The following FAT3 variants were observed in gnomAD, a reference collection of about 807,000 sequenced individuals.
FAT3 encodes the protein FAT atypical cadherin 3.
In FAT3, 95 loss-of-function variants were observed where a neutral mutation model predicts 310.2. That is an observed-to-expected ratio of 0.31 (90% CI 0.26 to 0.36). FAT3 has a LOEUF of 0.36. Ranked by LOEUF, FAT3 falls within the 10% of genes least tolerant of loss-of-function variation. The probability of loss-of-function intolerance (pLI) is 1.00; values close to 1 mark genes in which losing one functional copy is unlikely to be tolerated. For synonymous variants in FAT3, 2,314 were observed against 2,192.9 expected, an observed-to-expected ratio of 1.06 and a Z score of -1.54; for missense variants, 5,408 against 5,715.6, an observed-to-expected ratio of 0.95 and a Z score of 1.74.
intron 1 of FAT3, among the ~76,000 whole-genome samples, chr11:92,263,541 G>C (rs1865643762): frequency 6.6e-6 from 1 of 151,902 alleles, no homozygotes; most frequent in Non-Finnish European, 1.5e-5. Flanking sequence ...GATTACAGGA[G>C]ATGTGAATAT....
intron 2 of FAT3, among the ~76,000 whole-genome samples, chr11:92,507,994 G>GA (rs1334765580): frequency 6.6e-6 from 1 of 152,062 alleles, no homozygotes; most frequent in African/African-American, 2.4e-5. Context: ...AAGGATGAAA[G>GA]AAAATAGACA....
intron 3 of FAT3, among the ~76,000 whole-genome samples, chr11:92,645,742 G>A (rs1238517473): frequency 1.3e-5 from 2 of 152,070 alleles, no homozygotes; most frequent in African/African-American, 4.8e-5. Context: ...GCTGTCCCTG[G>A]CAATTTGGAT....
In FAT3 at chr11:92,352,558, T is replaced by A; in HGVS notation, c.446T>A (p.Leu149Ter). 1 of 1,613,820 alleles carries A rather than the reference T, an allele frequency of 6.2e-7. No individual in the cohort carries two copies. ...TGGACCAAAGTGAATATACAGGTTT[T>A]AGATATGAATGATCTGAGACCTTTG... ...EAWTKVNIQVLDMNDLRPLFS... is the reference protein window; with the variant it reads ...EAWTKVNIQV Residue 149 changes from leucine (L) to a stop codon, truncating the protein, a stop_gained, in exon 2 of 28, where the codon TTA (leucine) becomes TAA (stop). Transcript: ENST00000525166. LOFTEE classifies it high-confidence loss of function.
intron 2 of FAT3, among the ~76,000 whole-genome samples, chr11:92,469,204 A>G (rs1951848231): frequency 6.6e-6 from 1 of 152,132 alleles, no homozygotes; most frequent in East Asian, 1.9e-4. Flanking sequence ...TTGTTCAGGA[A>G]CTCATAAATT....
intron 1 of FAT3, among the ~76,000 whole-genome samples, chr11:92,333,378 C>T (rs1947968653): frequency 6.6e-6 from 1 of 152,162 alleles, no homozygotes; most frequent in Non-Finnish European, 1.5e-5. Flanking sequence ...AATTCTCTGA[C>T]TTACCCTGGA....
At chr11:92,237,788 G>T (rs2134244235) in intron 1 of FAT3, among the ~76,000 whole-genome samples, 1 of 152,214 alleles carries the variant, frequency 6.6e-6, no homozygotes, top group Admixed American at 6.5e-5. Flanking sequence ...GTAGATTTTG[G>T]ATGGTAGAAT....
At chr11:92,345,900 C>T (rs2134602536) in intron 1 of FAT3, among the ~76,000 whole-genome samples, 1 of 152,212 alleles carries the variant, frequency 6.6e-6, no homozygotes, top group Non-Finnish European at 1.5e-5. Flanking sequence ...CTTATGATCC[C>T]TTTGGCTATA....
In FAT3 at chr11:92,852,746, C is replaced by G. The variant is rs144854360; in HGVS notation, c.11366-4468C>G. Among the ~76,000 whole-genome samples the G allele has an allele frequency of 5.1e-3, 779 of 152,252 alleles. 7 individuals are homozygous for G. The highest frequency in any genetic ancestry group is 0.018 in the African/African-American group (734 of 41,540). On this transcript the variant is annotated intron_variant, in intron 19 of 27. Transcript: ENST00000525166. ...ATTTGAGTATTTTTTTACACATCCT[C>G]AAACTACAGTTTTCACAGTGGGGAC...
chr11:92,744,909 G>A (rs776608061), intron 4 of FAT3, among the ~76,000 whole-genome samples: 3 of 152,212 alleles, frequency 2.0e-5, no homozygotes, highest in Non-Finnish European at 4.4e-5. Context: ...TAGGCAAGGT[G>A]TTAAATTACC....
At chr11:92,282,406 T>C (rs1946451132) in intron 1 of FAT3, among the ~76,000 whole-genome samples, 1 of 152,168 alleles carries the variant, frequency 6.6e-6, no homozygotes, top group African/African-American at 2.4e-5. Context: ...GTCTCATGCC[T>C]ATAATCTCAG....
At chr11:92,691,923 G>A (rs1367509421) in intron 3 of FAT3, among the ~76,000 whole-genome samples, 1 of 152,080 alleles carries the variant, frequency 6.6e-6, no homozygotes, top group Non-Finnish European at 1.5e-5. Context: ...GATAAAATGA[G>A]ATTATGTATA....
chr11:92,559,134 T>A (rs1955128028), intron 3 of FAT3, among the ~76,000 whole-genome samples: 1 of 152,148 alleles, frequency 6.6e-6, no homozygotes. Context: ...TGCATGTATT[T>A]TTTTGGTAAC....
chr11:92,774,170 C>T lies in FAT3; in HGVS notation c.4325C>T (p.Ala1442Val). 1 of 1,610,068 alleles carries T rather than the reference C, an allele frequency of 6.2e-7. No homozygotes were observed. Among genetic ancestry groups the T allele is most frequent in the Non-Finnish European group, 8.5e-7 (1 of 1,178,446 alleles). ...SVEVTDGTNV[A>V]VTQVFIKVLD... Reference sequence around the variant, plus strand: ...GAAGTCACCGATGGGACAAATGTTGCTGTTACTCAGGTGAGATGTTAAATT... The same window carrying T: ...GAAGTCACCGATGGGACAAATGTTGTTGTTACTCAGGTGAGATGTTAAATT... The change falls in exon 7 of 28, where the codon GCT (alanine) becomes GTT (valine). Residue 1442 changes from alanine to valine, a missense_variant. Physicochemically the swap from Ala to Val is moderately conservative, Grantham distance 64. This residue lies in a region of FAT3 where 4,588 missense variants were observed against 4,809.8 expected (regional missense o/e 0.95). Transcript: ENST00000525166.
chr11:92,607,663 C>G (rs184453147), intron 3 of FAT3, among the ~76,000 whole-genome samples: 1 of 152,160 alleles, frequency 6.6e-6, no homozygotes, highest in African/African-American at 2.4e-5. Flanking sequence ...AAATGCTGAG[C>G]ATCCTTGTGA....
chr11:92,275,538 A>C (rs778656979), intron 1 of FAT3, among the ~76,000 whole-genome samples: 2 of 151,870 alleles, frequency 1.3e-5, no homozygotes, highest in South Asian at 4.2e-4. Context: ...CTTTTCTGGA[A>C]TCTGTTTCCT....
intron 3 of FAT3, among the ~76,000 whole-genome samples, chr11:92,657,306 G>A (rs1942618412): frequency 6.6e-6 from 1 of 152,132 alleles, no homozygotes. Flanking sequence ...AGTAAATTTT[G>A]CTGAACAAAG....
In FAT3 at chr11:92,715,493, T is replaced by A. The variant is rs115754569; in HGVS notation, c.3669+18048T>A. 7.8e-3 allele frequency among the ~76,000 whole-genome samples: 1,192 copies of A among 152,086 alleles called. 14 individuals are homozygous for A. The highest frequency in any genetic ancestry group is 0.027 in the African/African-American group (1,134 of 41,494). On this transcript the variant is annotated intron_variant, in intron 4 of 27. Coordinates refer to ENST00000525166, the MANE Select transcript of FAT3 (RefSeq NM_001367949.2). ...ATTATCACTCATGAGAATACACAGA[T>A]ATTTGGTGTGAGATTTAATTGACAG...
At chr11:92,490,543 GTTTGT>G (rs1300227402) in intron 2 of FAT3, among the ~76,000 whole-genome samples, 2 of 151,946 alleles carry the variant, frequency 1.3e-5, no homozygotes, top group Admixed American at 6.6e-5. Flanking sequence ...GTTTTTGTTT[GTTTGT>G]TTTGTTTGTC....
At position 92,301,378 on chromosome 11, in the gene FAT3, C is replaced by T. The variant is rs1007748823; in HGVS notation, c.-17-50718C>T. 3.3e-5 allele frequency among the ~76,000 whole-genome samples: 5 copies of T among 152,076 alleles called. No homozygotes were observed. The South Asian group carries it at 1.0e-3, about 31-fold the overall frequency. ...CTTCCACCACTTGAGTGCAGAGGGCCCTGCTCACTGGGATGGAGGTGGCTG... is the reference window on the plus strand; with the variant it reads ...CTTCCACCACTTGAGTGCAGAGGGCTCTGCTCACTGGGATGGAGGTGGCTG... On this transcript the variant is annotated intron_variant, in intron 1 of 27. Coordinates refer to ENST00000525166, the MANE Select transcript of FAT3 (RefSeq NM_001367949.2).
Sources: gnomAD v4.1 joint callset for allele counts (sites outside exome capture counted in the v4.1 genomes callset) on GRCh38, gnomAD v4.1.1 for gene constraint, gnomAD v4.1.1 regional missense constraint, MANE v1.5 for transcripts, NCBI Gene and HGNC (gene_info 2026-07-23, HGNC 2026-07-21) for gene names.